Variants in MAP2K1 observed in about 807,000 individuals in gnomAD.
The protein encoded by MAP2K1 is mitogen-activated protein kinase kinase 1, also known as dual specificity mitogen-activated protein kinase kinase 1.
In MAP2K1, 16 loss-of-function variants were observed where a neutral mutation model predicts 46.3. The ratio of observed to expected loss-of-function variants is 0.35; its 90% confidence interval spans 0.23 to 0.52. The LOEUF (loss-of-function observed/expected upper bound fraction) is 0.52, where lower values mean the gene tolerates loss of function less well. Ranked by LOEUF, MAP2K1 falls within the 20% of genes least tolerant of loss-of-function variation. The pLI is 0.94. For missense variants in MAP2K1, 263 were observed against 497.1 expected, an observed-to-expected ratio of 0.53 and a Z score of 4.48; for synonymous variants, 183 against 185.6, an observed-to-expected ratio of 0.99 and a Z score of 0.11.
chr15:66,392,148 T>C (rs2093357287), intron 1 of MAP2K1, among the ~76,000 whole-genome samples: 1 of 151,870 alleles, frequency 6.6e-6, no homozygotes, highest in African/African-American at 2.4e-5. Context: ...TCATTTTTGC[T>C]GCCATTTCTT....
At chr15:66,399,595 T>C (rs1171401566) in intron 1 of MAP2K1, among the ~76,000 whole-genome samples, 1 of 152,042 alleles carries the variant, frequency 6.6e-6, no homozygotes, top group African/African-American at 2.4e-5. Flanking sequence ...CCCGGGACTA[T>C]AGGCACGTGC....
chr15:66,481,662 G>A (rs1053387831), intron 5 of MAP2K1, 93 bp from the exon 6 acceptor site: 6 of 1,454,992 alleles, frequency 4.1e-6, no homozygotes, highest in South Asian at 3.4e-5. Flanking sequence ...CCTGGGACTC[G>A]TGGTCAGGGC....
At position 66,445,136 on chromosome 15, in the gene MAP2K1, CCGAGGGGCAG is replaced by C. The variant is rs1382638051; in HGVS notation, c.568+432_568+441del. Among the ~76,000 whole-genome samples the C allele has an allele frequency of 1.4e-4, 12 of 83,388 alleles. No homozygotes were observed. In the East Asian group the frequency reaches 3.6e-3, roughly 25 times the overall value. The allele number at this position is 83,388 out of a possible 152,430, so 54.7% of individuals were successfully genotyped here. A position where few individuals can be genotyped will look rare whatever the true frequency, so the allele number is the denominator to read the frequency against. Reference sequence around the variant, plus strand: ...CCTATAATCCCAGCACTTTGGGAGGCCGAGGGGCAGCGGGGGGAGGTGGGGGGGTGGATCA... The same window carrying C: ...CCTATAATCCCAGCACTTTGGGAGGCCGGGGGGAGGTGGGGGGGTGGATCA... On this transcript the variant is annotated intron_variant, in intron 5 of 10. Transcript: ENST00000307102.
chr15:66,469,719 C>CACACACACACACACACACACACACACAT (rs968491730), intron 5 of MAP2K1, among the ~76,000 whole-genome samples: 2 of 144,866 alleles, frequency 1.4e-5, no homozygotes, highest in African/African-American at 5.0e-5. Context: ...CACACACACA[C>CACACACACACACACACACACACACACAT]ACACATATCG....
At position 66,489,703 on chromosome 15, in the gene MAP2K1, C is replaced by T. The variant is rs1197600838; in HGVS notation, c.1023-15C>T. 6.2e-7 allele frequency: 1 copy of T among 1,610,432 alleles called. No individual in the cohort carries two copies. The highest frequency in any genetic ancestry group is 8.5e-7 in the Non-Finnish European group (1 of 1,176,734). Reference sequence around the variant, plus strand: ...TGCCAGGCAACAGCTCTTACCTTGTCTTTCTTCCTTTAAGCTTAATAAAAA... The same window carrying T: ...TGCCAGGCAACAGCTCTTACCTTGTTTTTCTTCCTTTAAGCTTAATAAAAA... On this transcript the variant is annotated splice_polypyrimidine_tract_variant and intron_variant, in intron 9 of 10. Coordinates refer to ENST00000307102, the MANE Select transcript of MAP2K1 (RefSeq NM_002755.4).
At chr15:66,392,544 C>A (rs1481732399) in intron 1 of MAP2K1, among the ~76,000 whole-genome samples, 1 of 142,114 alleles carries the variant, frequency 7.0e-6, no homozygotes, top group East Asian at 2.0e-4. Context: ...TCTTTGTTTT[C>A]TTTTCTTTTC....
intron 7 of MAP2K1, among the ~76,000 whole-genome samples, chr15:66,486,219 GGTAGA>G (rs1376188619): frequency 6.6e-6 from 1 of 152,092 alleles, no homozygotes; most frequent in Non-Finnish European, 1.5e-5. Context: ...CATGACTTTT[GGTAGA>G]TTTATTTTTT....
chr15:66,473,617 T>C (rs1892690991), intron 5 of MAP2K1, among the ~76,000 whole-genome samples: 1 of 152,200 alleles, frequency 6.6e-6, no homozygotes, highest in Admixed American at 6.5e-5. Context: ...CTTCTCTCTG[T>C]ACCCCCTATA....
chr15:66,423,015 G>A (rs2093447373), intron 1 of MAP2K1, among the ~76,000 whole-genome samples: 1 of 151,740 alleles, frequency 6.6e-6, no homozygotes, highest in Non-Finnish European at 1.5e-5. Flanking sequence ...TGGTCAAGCT[G>A]GTCTCAAACT....
intron 3 of MAP2K1, 152 bp from the exon 4 acceptor site, chr15:66,443,128 C>T (rs2093509372): frequency 2.0e-6 from 1 of 502,532 alleles, no homozygotes; most frequent in East Asian, 4.3e-5. Flanking sequence ...CGCTGTGTCG[C>T]CCAGGCTGAG....
chr15:66,480,383 C>T (rs78288367), intron 5 of MAP2K1, among the ~76,000 whole-genome samples: 9,733 of 152,180 alleles, frequency 0.064, 364 homozygotes, highest in Non-Finnish European at 0.085. Context: ...AGGCATCGCC[C>T]GGCTTTTGTT....
chr15:66,454,574 T>A (rs1595871010), intron 5 of MAP2K1, among the ~76,000 whole-genome samples: 1 of 152,298 alleles, frequency 6.6e-6, no homozygotes, highest in East Asian at 1.9e-4. Flanking sequence ...TGGTTTAAGC[T>A]TCTAAAAATT....
chr15:66,406,857 C>A (rs770726119), intron 1 of MAP2K1, among the ~76,000 whole-genome samples: 9 of 151,982 alleles, frequency 5.9e-5, no homozygotes, highest in Non-Finnish European at 1.2e-4. Context: ...ATGGAGAAAC[C>A]CCATCTCTGC....
At chr15:66,398,664 GA>G (rs925810312) in intron 1 of MAP2K1, among the ~76,000 whole-genome samples, 1 of 148,180 alleles carries the variant, frequency 6.7e-6, no homozygotes, top group South Asian at 2.1e-4. Context: ...AAACAAAACA[GA>G]AAAAAAAATG....
chr15:66,394,283 T>G (rs971132287), intron 1 of MAP2K1, among the ~76,000 whole-genome samples: 4 of 150,750 alleles, frequency 2.7e-5, no homozygotes, highest in African/African-American at 9.7e-5. Context: ...CACTCAGACT[T>G]ACTTATTGCA....
At position 66,453,528 on chromosome 15, in the gene MAP2K1, C is replaced by T. The variant is rs1361176088; in HGVS notation, c.568+8821C>T. 5 of 702,232 alleles carry T rather than the reference C, an allele frequency of 7.1e-6. No homozygotes were observed. The Admixed American group carries it at 1.0e-4, about 14-fold the overall frequency. The allele number at this position is 702,232 out of a possible 1,614,324, so 43.5% of individuals were successfully genotyped here. On this transcript the variant is annotated intron_variant, in intron 5 of 10. Coordinates refer to ENST00000307102, the MANE Select transcript of MAP2K1 (RefSeq NM_002755.4). ...AATGGTACCTGTGCACCAGCAATTC[C>T]TGAGCAAGCAGCACAGTGAGTAGGT... is the stretch of plus-strand genomic sequence containing the variant.
chr15:66,489,048 C>A, intron 8 of MAP2K1, 167 bp from the exon 9 acceptor site: 1 of 677,478 alleles, frequency 1.5e-6, no homozygotes, highest in South Asian at 1.6e-5. Flanking sequence ...GCAGCACTGG[C>A]CTTCTACCTG....
chr15:66,444,390 G>A (rs1036660193), intron 4 of MAP2K1, among the ~76,000 whole-genome samples: 3 of 151,820 alleles, frequency 2.0e-5, no homozygotes, highest in Admixed American at 6.6e-5. Flanking sequence ...AAAATTAGCC[G>A]GGGGTGGTAG....
intron 4 of MAP2K1, 111 bp downstream of exon 4, chr15:66,443,468 GAA>G: frequency 1.4e-6 from 1 of 736,784 alleles, no homozygotes; most frequent in Non-Finnish European, 2.4e-6. Context: ...AAGTTTATAA[GAA>G]AAGTGGTATT....
Sources: gnomAD v4.1 joint callset for allele counts (sites outside exome capture counted in the v4.1 genomes callset) on GRCh38, gnomAD v4.1.1 for gene constraint, MANE v1.5 for transcripts, NCBI Gene and HGNC (gene_info 2026-07-23, HGNC 2026-07-21) for gene names.